RSPH14: variants seen among roughly 807,000 people sequenced by gnomAD.
RSPH14 encodes rhabdoid tumor deletion region gene 1.
RSPH14 carries 20 observed loss-of-function variants against 26.7 expected under a neutral mutation model. That is an observed-to-expected ratio of 0.75 (90% CI 0.53 to 1.09). The LOEUF is 1.09. Ranked by LOEUF, RSPH14 falls within the 50% of genes least tolerant of loss-of-function variation. The pLI, the probability that RSPH14 is intolerant of heterozygous loss-of-function variation, is 0.00. For missense variants in RSPH14, 449 were observed against 457.2 expected (o/e 0.98, Z 0.16); for synonymous variants, 177 against 189.3 (o/e 0.93, Z 0.53).
At chr22:23,113,303 G>A (rs1391638447) in intron 4 of RSPH14, among the ~76,000 whole-genome samples, 6 of 152,120 alleles carry the variant, frequency 3.9e-5, no homozygotes, top group Non-Finnish European at 4.4e-5. Context: ...ATCTTACCCC[G>A]GCTCCCACCC....
rs149201608 is a variant in RSPH14, at chr22:23,063,921, G to C, written c.634C>G (p.Arg212Gly). The change falls in exon 5 of 7, where the codon CGT becomes GGT. Residue 212 changes from arginine to glycine, a missense_variant. Coordinates refer to ENST00000216036, the MANE Select transcript of RSPH14 (RefSeq NM_014433.3). ...ANQNIRSKAA[R>G]ALLNVSISRE... is the part of the protein sequence containing the mutation. Reference sequence around the variant, plus strand: ...CCTCACCTGACATTAAGGAGCGCACGGGCGGCCTTGCTGCGGATGTTCTGG... The same window carrying C: ...CCTCACCTGACATTAAGGAGCGCACCGGCGGCCTTGCTGCGGATGTTCTGG... 1.2e-4 allele frequency: 198 copies of C among 1,614,124 alleles called. 3 individuals carry two copies. The South Asian group carries it at 2.1e-3, about 17-fold the overall frequency.
At chr22:23,070,429 C>A (rs1365681003) in intron 4 of RSPH14, 1 of 147,686 alleles carries the variant, frequency 6.8e-6, no homozygotes, top group African/African-American at 2.4e-5. Flanking sequence ...GTGTGCGCCG[C>A]CCGCGGTCCG....
At chr22:23,158,028 C>A in the RSPH14 span, 1 of 1,614,066 alleles carries the variant, frequency 6.2e-7, no homozygotes, top group Admixed American at 1.7e-5. Context: ...GACGTGCAGA[C>A]CCTGGAGCAT....
At chr22:23,125,366 T>C (rs1257772454) in intron 4 of RSPH14, among the ~76,000 whole-genome samples, 1 of 151,814 alleles carries the variant, frequency 6.6e-6, no homozygotes, top group Non-Finnish European at 1.5e-5. Flanking sequence ...CCTCCCACCA[T>C]GTGGACACCT....
Position 23,059,604 on chromosome 22 carries a change from G to A in RSPH14, c.905C>T (p.Ala302Val), listed in dbSNP as rs748606717. 4 of 1,613,532 alleles carry A rather than the reference G, an allele frequency of 2.5e-6. No individual in the cohort carries two copies. Among genetic ancestry groups the A allele is most frequent in the Non-Finnish European group, 3.4e-6 (4 of 1,179,750 alleles). The change falls in exon 7 of 7, where the codon GCC becomes GTC. Residue 302 changes from alanine to valine, a missense_variant. Physicochemically the swap from Ala to Val is moderately conservative, Grantham distance 64 (BLOSUM62 0). Coordinates refer to ENST00000216036, the MANE Select transcript of RSPH14 (RefSeq NM_014433.3). ...ATKALTMLAE[A>V]PEGRKALQTH... ...CTGCAGGGCCTTGCGGCCCTCGGGG[G>A]CCTCTGCCAGCATGGTAAGGGCCTT... is the stretch of plus-strand genomic sequence containing the variant.
At chr22:23,160,394 C>A in the RSPH14 span, among the ~76,000 whole-genome samples, 1 of 152,180 alleles carries the variant, frequency 6.6e-6, no homozygotes, top group South Asian at 2.1e-4. Flanking sequence ...GAAACCAGCC[C>A]GCTCTCTGAT....
chr22:23,074,653 C>T (rs58946559), intron 4 of RSPH14, among the ~76,000 whole-genome samples: 1,909 of 152,190 alleles, frequency 0.013, 41 homozygotes, highest in African/African-American at 0.043. Flanking sequence ...GAGCTGGGCT[C>T]CTGGGCCTCC....
At chr22:23,146,482 GA>G (rs2070780438), upstream of RSPH14, 1 of 1,416,156 alleles carries the variant, frequency 7.1e-7, no homozygotes, top group East Asian at 2.7e-5. Flanking sequence ...AAAGTGCTGG[GA>G]TTACAGGCAT....
At chr22:23,174,357 T>C in the RSPH14 span, among the ~76,000 whole-genome samples, 7 of 151,424 alleles carry the variant, frequency 4.6e-5, no homozygotes, top group African/African-American at 1.5e-4. Context: ...TGAGCTAGGA[T>C]TGCAATAATG....
At chr22:23,076,882 A>G (rs1331660951) in intron 4 of RSPH14, among the ~76,000 whole-genome samples, 1 of 152,220 alleles carries the variant, frequency 6.6e-6, no homozygotes, top group Admixed American at 6.5e-5. Flanking sequence ...AGGCCTGGGT[A>G]GAAGTCCAGC....
At chr22:23,130,445 ACT>A (rs1444659747) in intron 4 of RSPH14, among the ~76,000 whole-genome samples, 4 of 148,580 alleles carry the variant, frequency 2.7e-5, no homozygotes, top group African/African-American at 1.0e-4. Context: ...ACAGAGTGAG[ACT>A]CTGTCTCAAA....
At chr22:23,066,760 G>A in intron 4 of RSPH14, among the ~76,000 whole-genome samples, 1 of 152,126 alleles carries the variant, frequency 6.6e-6, no homozygotes, top group East Asian at 1.9e-4. Flanking sequence ...CTGGGGGTGG[G>A]GGGTGGTTGC....
At chr22:23,163,606 G>GCCCCCCCCCCCCCCCCCCCCCCCC in the RSPH14 span, 18 of 125,334 alleles carry the variant, frequency 1.4e-4, 1 homozygote, top group Non-Finnish European at 2.7e-4. Flanking sequence ...CAAGGTGAAA[G>GCCCCCCCCCCCCCCCCCCCCCCCC]CCCCCCCCCC....
chr22:23,088,274 C>T (rs1225693288), intron 4 of RSPH14, among the ~76,000 whole-genome samples: 3 of 152,216 alleles, frequency 2.0e-5, no homozygotes, highest in South Asian at 2.1e-4. Context: ...TTTCCTCCTG[C>T]TGGTCCCTGC....
At chr22:23,123,060 T>C (rs2070077118) in intron 4 of RSPH14, 4 of 1,512,570 alleles carry the variant, frequency 2.6e-6, no homozygotes, top group African/African-American at 2.7e-5. Flanking sequence ...GCGGGCCTGA[T>C]TAACGCCAGT....
At chr22:23,153,478 G>T in the RSPH14 span, 2 of 744,898 alleles carry the variant, frequency 2.7e-6, no homozygotes, top group Non-Finnish European at 3.3e-6. Flanking sequence ...AGGCCAGCAG[G>T]GTGGCCTCCC....
chr22:23,086,483 A>G (rs537020630), intron 4 of RSPH14, among the ~76,000 whole-genome samples: 8 of 152,330 alleles, frequency 5.3e-5, no homozygotes, highest in Admixed American at 2.6e-4. Context: ...CTCTGGACCT[A>G]GGTTCCCTGG....
chr22:23,173,629 G>GTTTTT, the RSPH14 span, among the ~76,000 whole-genome samples: 2 of 85,544 alleles, frequency 2.3e-5, no homozygotes, highest in Non-Finnish European at 5.0e-5. Flanking sequence ...TTGGTTTTTT[G>GTTTTT]TTTTTTGTTT....
the RSPH14 span, chr22:23,156,201 C>T: frequency 1.7e-6 from 1 of 595,226 alleles, no homozygotes; most frequent in Non-Finnish European, 3.0e-6. Context: ...GCCTTCATCC[C>T]CAGGCACTGG....
Sources: allele counts gnomAD v4.1 joint callset (sites outside exome capture counted in the v4.1 genomes callset), GRCh38; gene constraint gnomAD v4.1.1; transcripts MANE v1.5; gene names NCBI Gene and HGNC (gene_info 2026-07-23, HGNC 2026-07-21).